Variants in INPP5D observed in about 807,000 individuals in gnomAD.
The protein encoded by INPP5D is inositol polyphosphate-5-phosphatase D, also known as phosphatidylinositol 3,4,5-trisphosphate 5-phosphatase 1.
Under a neutral mutation model 122.9 loss-of-function variants are expected in INPP5D, and 33 were observed. The observed-to-expected ratio is 0.27, with a 90% confidence interval of 0.20 to 0.36. The LOEUF (loss-of-function observed/expected upper bound fraction) is 0.36, where lower values mean the gene tolerates loss of function less well. Among genes scored for constraint, INPP5D ranks in the 10% least tolerant of loss-of-function variants. The pLI is 1.00. For synonymous variants in INPP5D, 584 were observed against 576.2 expected (o/e 1.01, Z -0.19); for missense variants, 1,053 against 1,412.7 (o/e 0.75, Z 4.08).
Position 233,204,606 on chromosome 2 carries a change from C to A in INPP5D, c.3456C>A (p.His1152Gln). The stretch of plus-strand genomic sequence containing the variant: ...CAGTCAAGAGCCCGGCGGTGCTGCA[C>A]CTCCAGCACTCCAAGGGCCGCGACT... ...PLPVKSPAVL[H>Q]LQHSKGRDYR... The change falls in exon 26 of 27, where the codon CAC becomes CAA. Residue 1152 changes from histidine (H) to glutamine (Q), a missense_variant. Physicochemically the swap from His to Gln is conservative, Grantham distance 24. Coordinates refer to ENST00000445964, the MANE Select transcript of INPP5D (RefSeq NM_001017915.3). The A allele has an allele frequency of 6.4e-7, 1 of 1,574,326 alleles. No individual in the cohort carries two copies. The highest frequency in any genetic ancestry group is 8.6e-7 in the Non-Finnish European group (1 of 1,161,460).
chr2:233,169,872 A>G, intron 14 of INPP5D, 154 bp from the exon 15 acceptor site: 4 of 1,419,964 alleles, frequency 2.8e-6, no homozygotes, highest in Non-Finnish European at 3.9e-6. Flanking sequence ...TTGCACACTA[A>G]GGAGTTCTGC....
In INPP5D at chr2:233,170,144, C is replaced by T. The variant is rs1261201170; in HGVS notation, c.1771C>T (p.Arg591Cys). The change falls in exon 15 of 27, where the codon CGT becomes TGT. Residue 591 changes from arginine (R) to cysteine (C), a missense_variant. Transcript: ENST00000445964. This position sits in a 1 kb window ranked among gnomAD's most constrained non-coding sequence, Gnocchi z 4.5. ...HLFWFGDLNY[R>C]VDLPTWEAET... ...CTTCTGGTTTGGGGATCTTAACTAC[C>T]GTGTGGATCTGCCTACCTGGGTAAG... 3.1e-6 allele frequency: 5 copies of T among 1,613,868 alleles called. No individual in the cohort carries two copies. Among genetic ancestry groups the T allele is most frequent in the African/African-American group, 1.3e-5 (1 of 74,922 alleles).
rs965498302 is a variant in INPP5D at position 233,207,314 on chromosome 2, C to G, written c.*606C>G. On this transcript the variant is annotated 3_prime_UTR_variant, in exon 27 of 27. Transcript: ENST00000445964. The surrounding 1 kb of genome is among the most constrained non-coding windows in gnomAD (Gnocchi z 4.6). Reference sequence around the variant, plus strand: ...GAGTCTGGGTAGCTTGTTTAGGGTACAAGAAGCCTGTTCTGTCCAGCTTCA... The same window carrying G: ...GAGTCTGGGTAGCTTGTTTAGGGTAGAAGAAGCCTGTTCTGTCCAGCTTCA... 1.3e-5 allele frequency: 2 copies of G among 152,790 alleles called. No individual in the cohort carries two copies. Among genetic ancestry groups the G allele is most frequent in the Non-Finnish European group, 2.9e-5 (2 of 68,088 alleles). The allele number at this position is 152,790 out of a possible 1,614,324, so 9.5% of individuals were successfully genotyped here. A position where few individuals can be genotyped will look rare whatever the true frequency, so the allele number is the denominator to read the frequency against.
In INPP5D at chr2:233,204,412, T is replaced by A. The variant is rs748242034; in HGVS notation, c.3262T>A (p.Cys1088Ser). 1.2e-5 allele frequency: 19 copies of A among 1,610,094 alleles called. No homozygotes were observed. Among genetic ancestry groups the A allele is most frequent in the Admixed American group, 1.7e-5 (1 of 59,732 alleles). ...CGCGCCCCGGCTGCGCTCCTTCACG[T>A]GCTCATCCTCTGCCGAGGGCAGGGC... ...VPAPRLRSFT[C>S]SSSAEGRAAG... Residue 1088 changes from cysteine (C) to serine (S), a missense_variant, in exon 26 of 27, where the codon TGC becomes AGC. Transcript: ENST00000445964.
At chr2:233,122,001 G>A (rs543649509) in intron 2 of INPP5D, 106 bp from the exon 3 acceptor site, 23 of 1,301,306 alleles carry the variant, frequency 1.8e-5, no homozygotes, top group Admixed American at 3.7e-5. Flanking sequence ...TTCCTGGATC[G>A]CAGTCACTCC....
At chr2:233,133,849 C>T (rs1302008085) in intron 5 of INPP5D, 9 of 405,594 alleles carry the variant, frequency 2.2e-5, no homozygotes, top group Admixed American at 1.8e-4. Context: ...GATGGCAGTC[C>T]ATGAGGAAGG....
Position 233,188,708 on chromosome 2 carries a change from C to T in INPP5D, c.2359-1142C>T, listed in dbSNP as rs1255871562. The stretch of plus-strand genomic sequence containing the variant: ...TCCCGAGTACCTGGGACGACAGGCA[C>T]GCCCCATCAAGCCTCGCTAATTTCT... On this transcript the variant is annotated intron_variant, in intron 21 of 26. Transcript: ENST00000445964. The surrounding 1 kb of genome is among the most constrained non-coding windows in gnomAD (Gnocchi z 4.7). 6.6e-6 allele frequency among the ~76,000 whole-genome samples: 1 copy of T among 152,158 alleles called. No individual in the cohort carries two copies.
chr2:233,165,095 G>A (rs989519955), intron 13 of INPP5D, among the ~76,000 whole-genome samples: 10 of 152,202 alleles, frequency 6.6e-5, no homozygotes, highest in Non-Finnish European at 1.0e-4. Flanking sequence ...TGTAGGATGT[G>A]TGTGTGAGTA....
At chr2:233,191,293 A>G (rs1695049935) in intron 22 of INPP5D, among the ~76,000 whole-genome samples, 1 of 152,188 alleles carries the variant, frequency 6.6e-6, no homozygotes. Flanking sequence ...CACCATCACC[A>G]TCACTATCAC....
At chr2:233,073,640 CAAAAA>C (rs752382722) in intron 1 of INPP5D, among the ~76,000 whole-genome samples, 1 of 44,200 alleles carries the variant, frequency 2.3e-5, no homozygotes, top group Non-Finnish European at 5.0e-5. Context: ...AACTCAATCT[CAAAAA>C]AAAAAAAAAA....
intron 2 of INPP5D, among the ~76,000 whole-genome samples, chr2:233,099,039 C>A (rs1310360939): frequency 6.6e-6 from 1 of 151,952 alleles, no homozygotes; most frequent in Admixed American, 6.6e-5. Flanking sequence ...GCAACGTCCG[C>A]CTCCTTGTTC....
intron 11 of INPP5D, among the ~76,000 whole-genome samples, chr2:233,162,381 G>GTA (rs1014973899): frequency 1.3e-5 from 2 of 151,704 alleles, no homozygotes; most frequent in African/African-American, 4.8e-5. Flanking sequence ...TGAATATATA[G>GTA]TATATATACA....
chr2:233,141,226 C>T (rs1409497866), intron 6 of INPP5D: 13 of 152,252 alleles, frequency 8.5e-5, no homozygotes, highest in African/African-American at 3.1e-4. Flanking sequence ...TTGGCAGCTT[C>T]TTAGGGACTA....
intron 5 of INPP5D, among the ~76,000 whole-genome samples, chr2:233,133,495 A>G (rs1693386960): frequency 6.6e-6 from 1 of 152,244 alleles, no homozygotes. Flanking sequence ...CTGGTGTAAC[A>G]TGTAAAAGCT....
chr2:233,094,200 T>C (rs116518357), intron 2 of INPP5D, among the ~76,000 whole-genome samples: 1,599 of 152,036 alleles, frequency 0.011, 33 homozygotes, highest in African/African-American at 0.037. Context: ...ATTCATCAAA[T>C]TGATTTTATC....
intron 1 of INPP5D, among the ~76,000 whole-genome samples, chr2:233,064,857 C>A (rs1691169604): frequency 1.3e-5 from 2 of 152,156 alleles, no homozygotes; most frequent in South Asian, 4.2e-4. Flanking sequence ...CTAAGTCTCC[C>A]TTTCGAAGCT....
At chr2:233,125,984 A>C (rs906300509) in intron 4 of INPP5D, 65 bp downstream of exon 4, 9 of 1,512,492 alleles carry the variant, frequency 6.0e-6, no homozygotes, top group Admixed American at 2.0e-5. Context: ...GCAGGGCTGG[A>C]TGGCTTGGGT....
At chr2:233,199,197 C>G (rs1355174571) in intron 25 of INPP5D, among the ~76,000 whole-genome samples, 1 of 151,644 alleles carries the variant, frequency 6.6e-6, no homozygotes, top group Non-Finnish European at 1.5e-5. Flanking sequence ...AAGATTGCAC[C>G]ACTGCACTCC....
intron 5 of INPP5D, 23 bp downstream of exon 5, chr2:233,130,671 G>A (rs780241731): frequency 4.0e-5 from 65 of 1,613,024 alleles, no homozygotes; most frequent in African/African-American, 5.3e-5. Context: ...CCACGGGGGC[G>A]GGCAGGTGGG....
Sources: allele counts gnomAD v4.1 joint callset (sites outside exome capture counted in the v4.1 genomes callset), GRCh38; gene constraint gnomAD v4.1.1; non-coding constraint Gnocchi (gnomAD v3.1); transcripts MANE v1.5; gene names NCBI Gene and HGNC (gene_info 2026-07-23, HGNC 2026-07-21).